The following TDP1 variants were observed in gnomAD, a reference collection of about 807,000 sequenced individuals.
TDP1 encodes the protein tyr-DNA phosphodiesterase 1.
A neutral mutation model predicts 81.5 loss-of-function variants in TDP1; 64 were observed. The ratio of observed to expected loss-of-function variants is 0.79; its 90% confidence interval spans 0.64 to 0.97. The LOEUF is 0.97. Ranked by LOEUF, TDP1 falls within the 50% of genes least tolerant of loss-of-function variation. The pLI, the probability that TDP1 is intolerant of heterozygous loss-of-function variation, is 0.00. For synonymous variants in TDP1, 256 were observed against 264.3 expected (o/e 0.97, Z 0.30); for missense variants, 723 against 743.8 (o/e 0.97, Z 0.33).
chr14:90,006,954 G>A (rs554559822), intron 14 of TDP1, among the ~76,000 whole-genome samples: 6 of 152,276 alleles, frequency 3.9e-5, no homozygotes, highest in Admixed American at 1.3e-4. Context: ...CCAAAGTGCT[G>A]GGATTACAGG....
intron 10 of TDP1, chr14:89,987,133 A>G (rs1393542634): frequency 6.6e-6 from 1 of 152,242 alleles, no homozygotes; most frequent in East Asian, 1.9e-4. Flanking sequence ...GCCTCTTTCA[A>G]ATGATAGGAG....
At chr14:90,018,960 G>A in intron 14 of TDP1, 2 of 970,700 alleles carry the variant, frequency 2.1e-6, no homozygotes, top group Non-Finnish European at 2.4e-6. Context: ...CTTCTTAAAT[G>A]CTAGTTTTAT....
intron 15 of TDP1, among the ~76,000 whole-genome samples, chr14:90,031,877 C>T (rs1428793605): frequency 2.0e-5 from 3 of 152,158 alleles, no homozygotes; most frequent in Admixed American, 6.5e-5. Flanking sequence ...ACTGATCACC[C>T]GCTCCTGCCA....
intron 13 of TDP1, 76 bp downstream of exon 13, chr14:89,992,059 T>A (rs1896244275): frequency 7.6e-7 from 1 of 1,323,716 alleles, no homozygotes; most frequent in South Asian, 1.2e-5. Context: ...GTTTGTTTTT[T>A]TTTTTAAAAG....
chr14:89,966,213 T>A, intron 4 of TDP1, 23 bp downstream of exon 4: 1 of 1,552,624 alleles, frequency 6.4e-7, no homozygotes, highest in Non-Finnish European at 8.9e-7. Flanking sequence ...TTAAGCTGTT[T>A]TTTCTTTGGG....
intron 8 of TDP1, chr14:89,981,423 G>A (rs1894959527): frequency 2.2e-6 from 1 of 452,798 alleles, no homozygotes; most frequent in African/African-American, 2.0e-5. Context: ...TTCAGCTATT[G>A]TTCTTGATTA....
intron 9 of TDP1, 79 bp downstream of exon 9, chr14:89,984,762 G>A: frequency 6.2e-7 from 1 of 1,602,378 alleles, no homozygotes; most frequent in South Asian, 1.1e-5. Flanking sequence ...GCATGCAGGG[G>A]CCTGGAAAGA....
chr14:90,013,393 A>G (rs932558576), intron 14 of TDP1, among the ~76,000 whole-genome samples: 8 of 152,044 alleles, frequency 5.3e-5, no homozygotes, highest in African/African-American at 1.9e-4. Flanking sequence ...GGTTTTCCCA[A>G]GCAGTTCTCT....
intron 14 of TDP1, among the ~76,000 whole-genome samples, chr14:89,998,394 A>ATATATGTATG (rs1896854694): frequency 1.8e-5 from 2 of 111,300 alleles, no homozygotes; most frequent in African/African-American, 9.9e-5. Flanking sequence ...ATATATATAT[A>ATATATGTATG]TATATATATA....
At chr14:89,974,031 A>G (rs1406415762) in intron 6 of TDP1, among the ~76,000 whole-genome samples, 5 of 152,130 alleles carry the variant, frequency 3.3e-5, no homozygotes, top group Admixed American at 6.5e-5. Context: ...TTACCTCCAT[A>G]AAGTCCCTCT....
Position 90,042,941 on chromosome 14 carries a change from G to A in TDP1, c.1754-129G>A, listed in dbSNP as rs991429522. 11 of 1,550,956 alleles carry A rather than the reference G, an allele frequency of 7.1e-6. No homozygotes were observed. The African/African-American group carries it at 1.2e-4, about 17-fold the overall frequency. ...GTTGTCTGAAGGGGGAGAATCTTCT[G>A]GGCTTGGTTCAGAAAATACTCTACC... On this transcript the variant is annotated intron_variant, in intron 16 of 16. Coordinates refer to ENST00000335725, the MANE Select transcript of TDP1 (RefSeq NM_018319.4).
intron 6 of TDP1, among the ~76,000 whole-genome samples, chr14:89,974,089 TG>T (rs1268292417): frequency 2.6e-5 from 4 of 152,104 alleles, no homozygotes; most frequent in Non-Finnish European, 4.4e-5. Context: ...ATGAATTTGG[TG>T]GGGGACAGAA....
At chr14:90,026,509 G>A (rs886082221) in intron 15 of TDP1, among the ~76,000 whole-genome samples, 3 of 152,042 alleles carry the variant, frequency 2.0e-5, no homozygotes, top group Non-Finnish European at 2.9e-5. Flanking sequence ...TGTGCACAAC[G>A]TGCAGGTTTG....
At chr14:89,985,306 TTC>T in intron 10 of TDP1, 96 bp downstream of exon 10, 2 of 720,040 alleles carry the variant, frequency 2.8e-6, no homozygotes, top group Admixed American at 5.2e-5. Context: ...TTCACAATAT[TTC>T]TGCACAATTC....
chr14:89,980,659 GC>G (rs1253370017), intron 8 of TDP1, 27 bp downstream of exon 8: 29 of 1,565,942 alleles, frequency 1.9e-5, no homozygotes, highest in Non-Finnish European at 2.6e-5. Context: ...TCACTTCCTG[GC>G]AGTGTGTGTG....
chr14:89,983,737 G>C (rs901420286), intron 8 of TDP1, among the ~76,000 whole-genome samples: 1 of 152,220 alleles, frequency 6.6e-6, no homozygotes, highest in Non-Finnish European at 1.5e-5. Context: ...CTGTGGAGCA[G>C]TTTATAGAAG....
intron 14 of TDP1, among the ~76,000 whole-genome samples, chr14:90,006,364 T>C (rs983770003): frequency 6.6e-6 from 1 of 152,146 alleles, no homozygotes; most frequent in Non-Finnish European, 1.5e-5. Context: ...TAGTAGTTAA[T>C]CTCCCAAGAT....
chr14:89,985,915 T>C (rs1355282490), intron 10 of TDP1, among the ~76,000 whole-genome samples: 1 of 152,152 alleles, frequency 6.6e-6, no homozygotes, highest in Non-Finnish European at 1.5e-5. Flanking sequence ...TAATCCCAGC[T>C]ACTCGGGAGG....
At chr14:90,008,322 C>A in intron 14 of TDP1, among the ~76,000 whole-genome samples, 1 of 152,146 alleles carries the variant, frequency 6.6e-6, no homozygotes, top group South Asian at 2.1e-4. Flanking sequence ...TCTTCTGTTT[C>A]ATTAGTTTTG....
Sources: gnomAD v4.1 joint callset for allele counts (sites outside exome capture counted in the v4.1 genomes callset) on GRCh38, gnomAD v4.1.1 for gene constraint, MANE v1.5 for transcripts, NCBI Gene and HGNC (gene_info 2026-07-23, HGNC 2026-07-21) for gene names.